Variants in BBOF1 observed in about 807,000 individuals in gnomAD.
The protein encoded by BBOF1 is basal body-orientation factor 1.
In BBOF1, 62 loss-of-function variants were observed where a neutral mutation model predicts 68.0. That is an observed-to-expected ratio of 0.91 (90% confidence interval 0.74 to 1.13). BBOF1 has a LOEUF of 1.13. Among genes scored for constraint, BBOF1 ranks in the 50% most tolerant of loss-of-function variants. The pLI is 0.00. For synonymous variants in BBOF1, 208 were observed against 198.8 expected, an observed-to-expected ratio of 1.05 and a Z score of -0.39; for missense variants, 534 against 600.1, an observed-to-expected ratio of 0.89 and a Z score of 1.15.
At chr14:74,067,942 C>CA (rs1313481047), downstream of BBOF1, among the ~76,000 whole-genome samples, 3 of 127,192 alleles carry the variant, frequency 2.4e-5, no homozygotes, top group Admixed American at 1.6e-4. Flanking sequence ...AACAAACAAA[C>CA]AAAAAACAGG....
chr14:74,045,518 A>G (rs2059929554), intron 5 of BBOF1, among the ~76,000 whole-genome samples: 1 of 152,080 alleles, frequency 6.6e-6, no homozygotes, highest in South Asian at 2.1e-4. Flanking sequence ...CATGTTGGTC[A>G]GGCTGGTCTT....
Position 74,019,473 on chromosome 14 carries a change from G to A in BBOF1, c.-6G>A. The A allele has an allele frequency of 6.2e-7, 1 of 1,603,290 alleles. No homozygotes were observed. The highest frequency in any genetic ancestry group is 8.5e-7 in the Non-Finnish European group (1 of 1,174,848). On this transcript the variant is annotated 5_prime_UTR_variant, in exon 1 of 12. Coordinates refer to ENST00000394009, the MANE Select transcript of BBOF1 (RefSeq NM_025057.3). ...CTACGACAGCGGAGCCCCTGGGGAAGCCAAGATGCCGTCGAAGGGAAAGGA... is the reference window on the plus strand; with the variant it reads ...CTACGACAGCGGAGCCCCTGGGGAAACCAAGATGCCGTCGAAGGGAAAGGA...
rs765240677 is a variant in BBOF1, at chr14:74,064,882, C to T, written c.*183C>T. ...AGGATCGAGAGCCGGTGAATGAGAA[C>T]ATTGGCAAAGGCACTGGAATGGGGA... On this transcript the variant is annotated 3_prime_UTR_variant, in exon 12 of 12. Coordinates refer to ENST00000394009, the MANE Select transcript of BBOF1 (RefSeq NM_025057.3). 15 of 1,613,962 alleles carry T rather than the reference C, an allele frequency of 9.3e-6. No homozygotes were observed. Among genetic ancestry groups the T allele is most frequent in the Non-Finnish European group, 1.2e-5 (14 of 1,180,012 alleles).
At chr14:74,070,546 A>G (rs1418078112), downstream of BBOF1, among the ~76,000 whole-genome samples, 2 of 152,142 alleles carry the variant, frequency 1.3e-5, no homozygotes, top group East Asian at 1.9e-4. Flanking sequence ...TATTTCCTCA[A>G]TGGTGACTAT....
At chr14:74,025,908 G>C (rs949387615) in intron 2 of BBOF1, among the ~76,000 whole-genome samples, 4 of 148,486 alleles carry the variant, frequency 2.7e-5, no homozygotes, top group Admixed American at 6.7e-5. Flanking sequence ...GGCGGGGTGG[G>C]GGGGGTGCAT....
At chr14:74,044,787 T>A (rs988002981) in intron 5 of BBOF1, among the ~76,000 whole-genome samples, 3 of 152,002 alleles carry the variant, frequency 2.0e-5, no homozygotes, top group Admixed American at 6.6e-5. Flanking sequence ...TAGCTGGGCA[T>A]GATGGTAGGT....
chr14:74,047,881 C>A, intron 6 of BBOF1, 49 bp from the exon 7 acceptor site: 3 of 1,504,300 alleles, frequency 2.0e-6, no homozygotes, highest in Non-Finnish European at 1.8e-6. Context: ...TCTATTTTGG[C>A]GATATCTAAA....
At chr14:74,067,278 G>T, downstream of BBOF1, 1 of 1,326,610 alleles carries the variant, frequency 7.5e-7, no homozygotes, top group Non-Finnish European at 1.1e-6. Context: ...GAAATGGCAA[G>T]AATAGACATG....
chr14:74,031,363 T>C (rs1239919066), intron 3 of BBOF1, among the ~76,000 whole-genome samples: 1 of 152,196 alleles, frequency 6.6e-6, no homozygotes, highest in South Asian at 2.1e-4. Context: ...TCCTTCCAGC[T>C]TGGCCTCCCA....
At chr14:74,079,214 C>T (rs1019299299) in intron 10 of BBOF1, among the ~76,000 whole-genome samples, 9 of 151,592 alleles carry the variant, frequency 5.9e-5, no homozygotes, top group East Asian at 1.9e-4. Flanking sequence ...CAGTAGCTCA[C>T]GCCTGTAATC....
At chr14:74,049,056 T>TAGAGACAG (rs1367202759) in intron 7 of BBOF1, among the ~76,000 whole-genome samples, 36 of 152,180 alleles carry the variant, frequency 2.4e-4, no homozygotes, top group Admixed American at 2.2e-3. Context: ...CATTTTTTAG[T>TAGAGACAG]AGAGACAGGG....
intron 4 of BBOF1, among the ~76,000 whole-genome samples, chr14:74,036,387 A>G (rs1330984322): frequency 6.6e-6 from 1 of 152,078 alleles, no homozygotes; most frequent in Non-Finnish European, 1.5e-5. Context: ...CACGTCCTTC[A>G]AGAGTTGTCT....
chr14:74,026,574 T>C (rs1441387304), intron 2 of BBOF1, among the ~76,000 whole-genome samples: 3 of 150,204 alleles, frequency 2.0e-5, no homozygotes, highest in African/African-American at 7.4e-5. Flanking sequence ...AAATATTAGG[T>C]TGGTGCATTA....
intron 8 of BBOF1, among the ~76,000 whole-genome samples, chr14:74,050,408 C>G (rs1431380891): frequency 6.6e-6 from 1 of 152,132 alleles, no homozygotes; most frequent in African/African-American, 2.4e-5. Context: ...ATATTCCCCT[C>G]TGTCTCATGA....
chr14:74,055,341 C>T (rs1455822750), intron 8 of BBOF1: 1 of 376,680 alleles, frequency 2.7e-6, no homozygotes. Flanking sequence ...TAGAGACGAG[C>T]TTTCATCACA....
chr14:74,023,772 C>T (rs1475974700), intron 2 of BBOF1, among the ~76,000 whole-genome samples: 14 of 151,572 alleles, frequency 9.2e-5, no homozygotes, highest in African/African-American at 1.7e-4. Context: ...AAAAATTAAC[C>T]GGGCATGGCT....
chr14:74,057,391 A>ATTAT (rs1157685774), intron 11 of BBOF1, 133 bp downstream of exon 11: 8 of 1,539,104 alleles, frequency 5.2e-6, no homozygotes, highest in Non-Finnish European at 7.0e-6. Context: ...AATAAATAGC[A>ATTAT]TTAGTAGATT....
chr14:74,070,260 T>G (rs1204681124), downstream of BBOF1, among the ~76,000 whole-genome samples: 1 of 152,130 alleles, frequency 6.6e-6, no homozygotes, highest in Non-Finnish European at 1.5e-5. Flanking sequence ...GGCTCACACC[T>G]GTAATCCCAG....
chr14:74,035,453 A>G (rs11846498), intron 4 of BBOF1, among the ~76,000 whole-genome samples: 34,357 of 135,820 alleles, frequency 0.25, 4,659 homozygotes, highest in South Asian at 0.47. Flanking sequence ...GTCTTACTCC[A>G]TCACCCAGGC....
Sources: allele counts gnomAD v4.1 joint callset (sites outside exome capture counted in the v4.1 genomes callset), GRCh38; gene constraint gnomAD v4.1.1; transcripts MANE v1.5; gene names NCBI Gene and HGNC (gene_info 2026-07-23, HGNC 2026-07-21).